Variants in SLX4IP observed in about 807,000 individuals in gnomAD.
The protein encoded by SLX4IP is protein SLX4IP.
A neutral mutation model predicts 32.9 loss-of-function variants in SLX4IP; 34 were observed. The observed-to-expected ratio is 1.03, with a 90% confidence interval of 0.79 to 1.38. The LOEUF is 1.38. Ranked by LOEUF, SLX4IP falls within the 40% of genes most tolerant of loss-of-function variation. SLX4IP has a pLI of 0.00. For synonymous variants in SLX4IP, 172 were observed against 171.7 expected (o/e 1.00, Z -0.01); for missense variants, 444 against 479.0 (o/e 0.93, Z 0.68).
intron 2 of SLX4IP, among the ~76,000 whole-genome samples, chr20:10,493,740 G>A (rs781529637): frequency 7.3e-5 from 11 of 151,678 alleles, no homozygotes; most frequent in South Asian, 4.2e-4. Context: ...CAATGTCTGC[G>A]TCAGGCTTTG....
At position 10,578,570 on chromosome 20, in the gene SLX4IP, T is replaced by C. The variant is rs954267303; in HGVS notation, c.238+17750T>C. Among the ~76,000 whole-genome samples, 47 of 152,232 alleles carry C rather than the reference T, an allele frequency of 3.1e-4. 1 individual carries two copies. Among genetic ancestry groups the C allele is most frequent in the Admixed American group, 2.1e-3 (32 of 15,280 alleles). On this transcript the variant is annotated intron_variant, in intron 4 of 7. Coordinates refer to ENST00000334534, the MANE Select transcript of SLX4IP (RefSeq NM_001009608.3). ...GTGTACAAGTTTTTGAGTGGACATA[T>C]GTTTTCATTTCTCATGGCTATATAC...
At chr20:10,503,134 A>C (rs1436649137) in intron 2 of SLX4IP, among the ~76,000 whole-genome samples, 1 of 152,110 alleles carries the variant, frequency 6.6e-6, no homozygotes, top group Non-Finnish European at 1.5e-5. Context: ...GTCCTCCCAC[A>C]TTCCCTTATA....
At chr20:10,610,740 C>G (rs921255927) in intron 6 of SLX4IP, among the ~76,000 whole-genome samples, 1 of 152,244 alleles carries the variant, frequency 6.6e-6, no homozygotes, top group African/African-American at 2.4e-5. Context: ...CATTTCACCT[C>G]CTGTTTGCCT....
chr20:10,450,272 A>G (rs1751402063), intron 1 of SLX4IP, among the ~76,000 whole-genome samples: 1 of 152,178 alleles, frequency 6.6e-6, no homozygotes, highest in South Asian at 2.1e-4. Context: ...GCACTTGAGT[A>G]TTCTTTTTAA....
chr20:10,445,718 G>C (rs141943328), intron 1 of SLX4IP, among the ~76,000 whole-genome samples: 2,148 of 150,514 alleles, frequency 0.014, 19 homozygotes, highest in South Asian at 0.024. Flanking sequence ...TCCGCCTCCT[G>C]AGTTCAAGCG....
chr20:10,476,851 A>G (rs1244202124), intron 2 of SLX4IP, among the ~76,000 whole-genome samples: 1 of 152,208 alleles, frequency 6.6e-6, no homozygotes, highest in Non-Finnish European at 1.5e-5. Flanking sequence ...ACCCATCACT[A>G]TCTTTAACAT....
At chr20:10,618,206 A>G (rs1007533583) in intron 6 of SLX4IP, among the ~76,000 whole-genome samples, 1 of 152,188 alleles carries the variant, frequency 6.6e-6, no homozygotes, top group Non-Finnish European at 1.5e-5. Context: ...ACTGGTCTCC[A>G]GAGTACCCCC....
chr20:10,445,705 A>G (rs1600878428), intron 1 of SLX4IP, among the ~76,000 whole-genome samples: 2 of 149,746 alleles, frequency 1.3e-5, no homozygotes, highest in Admixed American at 6.6e-5. Flanking sequence ...GCTCACTGCA[A>G]CCTCCGCCTC....
intron 6 of SLX4IP, among the ~76,000 whole-genome samples, chr20:10,620,990 T>TG (rs1216493982): frequency 2.0e-5 from 3 of 152,226 alleles, no homozygotes; most frequent in Admixed American, 1.3e-4. Context: ...AGTAGGATTC[T>TG]GGGGCTTTTG....
At chr20:10,619,798 T>C (rs909879048) in intron 6 of SLX4IP, among the ~76,000 whole-genome samples, 9 of 152,190 alleles carry the variant, frequency 5.9e-5, no homozygotes, top group Non-Finnish European at 1.2e-4. Context: ...ATCTCTCTCT[T>C]TCTCTCAGTT....
chr20:10,614,050 G>T, intron 6 of SLX4IP: 1 of 1,495,026 alleles, frequency 6.7e-7, no homozygotes, highest in Non-Finnish European at 9.3e-7. Flanking sequence ...TGGAAGCAGC[G>T]GGTGGCGTCC....
At chr20:10,460,283 A>G (rs2122346402) in intron 2 of SLX4IP, among the ~76,000 whole-genome samples, 1 of 152,348 alleles carries the variant, frequency 6.6e-6, no homozygotes. Flanking sequence ...TGTTTTCATT[A>G]TGTATTGATG....
intron 2 of SLX4IP, among the ~76,000 whole-genome samples, chr20:10,540,028 G>A (rs1391212387): frequency 6.6e-6 from 1 of 151,774 alleles, no homozygotes; most frequent in African/African-American, 2.4e-5. Flanking sequence ...CTCACCATGG[G>A]GCTGAGCTTT....
At chr20:10,446,925 A>G (rs7272199) in intron 1 of SLX4IP, among the ~76,000 whole-genome samples, 2,937 of 152,276 alleles carry the variant, frequency 0.019, 81 homozygotes, top group African/African-American at 0.065. Context: ...TAATTTCAAT[A>G]TGGCCAAAGC....
intron 2 of SLX4IP, among the ~76,000 whole-genome samples, chr20:10,537,647 C>G (rs1227815839): frequency 6.6e-6 from 1 of 152,070 alleles, no homozygotes; most frequent in Non-Finnish European, 1.5e-5. Context: ...TGTAATTTTT[C>G]TAGGAATTGA....
intron 6 of SLX4IP, among the ~76,000 whole-genome samples, chr20:10,619,088 C>T (rs2067074459): frequency 6.6e-6 from 1 of 152,138 alleles, no homozygotes; most frequent in Non-Finnish European, 1.5e-5. Context: ...TTTTTTCCTG[C>T]CCACCCAGTC....
intron 4 of SLX4IP, among the ~76,000 whole-genome samples, chr20:10,570,102 A>G (rs138705894): frequency 7.3e-4 from 111 of 152,312 alleles, no homozygotes; most frequent in African/African-American, 2.6e-3. Context: ...CACCACTCTG[A>G]AAGGGTTCTG....
At chr20:10,569,140 AG>A (rs1264147610) in intron 4 of SLX4IP, among the ~76,000 whole-genome samples, 2 of 151,124 alleles carry the variant, frequency 1.3e-5, no homozygotes, top group South Asian at 2.1e-4. Flanking sequence ...GAGACTGGCC[AG>A]GTGGCAAGTC....
chr20:10,442,739 A>G (rs532275597), intron 1 of SLX4IP, among the ~76,000 whole-genome samples: 17 of 152,344 alleles, frequency 1.1e-4, no homozygotes, highest in African/African-American at 4.1e-4. Flanking sequence ...TGCTGAAAGC[A>G]ACTTTGAGGG....
Sources: gnomAD v4.1 joint callset for allele counts (sites outside exome capture counted in the v4.1 genomes callset) on GRCh38, gnomAD v4.1.1 for gene constraint, MANE v1.5 for transcripts, NCBI Gene and HGNC (gene_info 2026-07-23, HGNC 2026-07-21) for gene names.